Variants in TMC1 observed in about 807,000 individuals in gnomAD.
TMC1 encodes the protein transmembrane channel like 1, also known as transmembrane channel-like protein 1.
TMC1 carries 84 observed loss-of-function variants against 105.8 expected under a neutral mutation model. The ratio of observed to expected loss-of-function variants is 0.79; its 90% CI spans 0.67 to 0.95. The LOEUF (loss-of-function observed/expected upper bound fraction) is 0.95. TMC1 is among the 40% of genes least tolerant of loss of function. TMC1 has a pLI of 0.00. For missense variants in TMC1, 817 were observed against 914.1 expected (o/e 0.89, Z 1.37); for synonymous variants, 315 against 311.5 (o/e 1.01, Z -0.12).
At position 72,686,781 on chromosome 9, in the gene TMC1, T is replaced by A. The variant is rs142966913; in HGVS notation, c.17-1928T>A. 1.5e-3 allele frequency among the ~76,000 whole-genome samples: 233 copies of A among 152,280 alleles called. 1 individual carries two copies. Among genetic ancestry groups the A allele is most frequent in the African/African-American group, 5.5e-3 (227 of 41,560 alleles). ...CCAGAATCACTATTGGAAAACCAAC[T>A]CAAGAGGAGGGACTGGGTCATTTCT... On this transcript the variant is annotated intron_variant, in intron 5 of 23. Coordinates refer to ENST00000297784, the MANE Select transcript of TMC1 (RefSeq NM_138691.3).
At chr9:72,571,442 C>CTTTTTTTTTTTTTTTTTTTTT in intron 1 of TMC1, among the ~76,000 whole-genome samples, 1 of 139,092 alleles carries the variant, frequency 7.2e-6, no homozygotes. Context: ...CAACCTCACG[C>CTTTTTTTTTTTTTTTTTTTTT]TTTTTTTTTT....
chr9:72,525,121 A>G (rs918479849), intron 1 of TMC1, among the ~76,000 whole-genome samples: 1 of 152,246 alleles, frequency 6.6e-6, no homozygotes, highest in Non-Finnish European at 1.5e-5. Context: ...GTACTTAACA[A>G]TAGTATCCAG....
At chr9:72,725,943 G>C (rs1027787733) in intron 8 of TMC1, among the ~76,000 whole-genome samples, 9 of 152,136 alleles carry the variant, frequency 5.9e-5, no homozygotes, top group Non-Finnish European at 1.2e-4. Flanking sequence ...ACCCGCCTCA[G>C]CCTCCCAAAG....
intron 10 of TMC1, among the ~76,000 whole-genome samples, chr9:72,746,658 A>G (rs1003082270): frequency 9.2e-5 from 14 of 152,224 alleles, no homozygotes; most frequent in African/African-American, 3.4e-4. Context: ...CAAGAGCGGG[A>G]CCCAAATTAG....
At chr9:72,771,860 A>G (rs536359723) in intron 12 of TMC1, among the ~76,000 whole-genome samples, 28 of 152,206 alleles carry the variant, frequency 1.8e-4, no homozygotes, top group Non-Finnish European at 3.5e-4. Context: ...TGCTTGTTAT[A>G]TGGGAATGCT....
In TMC1 at chr9:72,796,882, G is replaced by A. The variant is rs529839537; in HGVS notation, c.1566+4530G>A. Among the ~76,000 whole-genome samples, 437 of 152,226 alleles carry A rather than the reference G, an allele frequency of 2.9e-3. 2 individuals carry two copies. The highest frequency in any genetic ancestry group is 0.01 in the African/African-American group (417 of 41,540). ...TTGAAGTTCTGGCCAGGGCAATCAG[G>A]CAAGAGAAAGAAATGAAGGGTATCA... On this transcript the variant is annotated intron_variant, in intron 17 of 23. Coordinates refer to ENST00000297784, the MANE Select transcript of TMC1 (RefSeq NM_138691.3).
chr9:72,665,546 A>C lies in TMC1; in HGVS notation c.16+16882A>C, dbSNP rs1826030178. ...TAGAATATCAAATCCAGGGTGCTTT[A>C]GCACTGCATTCCAATGGCCTGGGAT... On this transcript the variant is annotated intron_variant, in intron 5 of 23. Transcript: ENST00000297784. Among the ~76,000 whole-genome samples the C allele has an allele frequency of 3.9e-5, 6 of 152,360 alleles. No individual in the cohort carries two copies. The South Asian group carries it at 1.2e-3, about 32-fold the overall frequency.
Position 72,805,459 on chromosome 9 carries a change from T to G in TMC1, c.1644T>G (p.Cys548Trp). ...TILIGDFLRACFVRFCNYCWC... is the reference protein window; with the variant it reads ...TILIGDFLRAWFVRFCNYCWC... ...TCATTGGGGACTTTCTAAGGGCATG[T>G]TTTGTGAGGTTTTGCAATTATTGCT... The change falls in exon 18 of 24, where the codon TGT becomes TGG. Residue 548 changes from cysteine (C) to tryptophan (W), a missense_variant. Transcript: ENST00000297784. 1 of 1,613,978 alleles carries G rather than the reference T, an allele frequency of 6.2e-7. No individual in the cohort carries two copies. The highest frequency in any genetic ancestry group is 8.5e-7 in the Non-Finnish European group (1 of 1,179,952).
chr9:72,586,943 G>A (rs894177863), intron 2 of TMC1, among the ~76,000 whole-genome samples: 42 of 152,200 alleles, frequency 2.8e-4, no homozygotes, highest in African/African-American at 9.9e-4. Context: ...TGCATCAATT[G>A]GTGTAGTCTA....
intron 8 of TMC1, among the ~76,000 whole-genome samples, chr9:72,705,135 C>T (rs551786058): frequency 9.4e-4 from 143 of 152,212 alleles, no homozygotes; most frequent in African/African-American, 3.3e-3. Flanking sequence ...TATAAGAGGT[C>T]GCAGCACTTA....
rs556278913 is a variant in TMC1 at position 72,613,222 on chromosome 9, C to G, written c.-305-3146C>G. ...TCTTGGCTCACTGCAACCTCCGCCT[C>G]CCGGGTTCAAGCGATTCTCCTGCCT... On this transcript the variant is annotated intron_variant, in intron 2 of 23. Transcript: ENST00000297784. Among the ~76,000 whole-genome samples, 3 of 151,636 alleles carry G rather than the reference C, an allele frequency of 2.0e-5. No individual in the cohort carries two copies. The South Asian group carries it at 6.3e-4, about 32-fold the overall frequency.
At chr9:72,539,856 G>T (rs1347562659) in intron 1 of TMC1, among the ~76,000 whole-genome samples, 1 of 152,164 alleles carries the variant, frequency 6.6e-6, no homozygotes, top group African/African-American at 2.4e-5. Flanking sequence ...CATTTACAAA[G>T]AAAGGGGTTT....
chr9:72,701,180 C>A (rs192203972), intron 8 of TMC1, among the ~76,000 whole-genome samples: 9 of 152,254 alleles, frequency 5.9e-5, no homozygotes, highest in Non-Finnish European at 8.8e-5. Flanking sequence ...TACATTAAAG[C>A]ACAGAGAAGA....
At chr9:72,732,565 CA>C (rs57237757) in intron 8 of TMC1, among the ~76,000 whole-genome samples, 2,172 of 88,004 alleles carry the variant, frequency 0.025, 27 homozygotes, top group Middle Eastern at 0.042. Context: ...GTCTCTGTCT[CA>C]AAAAAAAAAA....
intron 3 of TMC1, among the ~76,000 whole-genome samples, chr9:72,620,501 T>A (rs1825230495): frequency 1.3e-5 from 2 of 152,124 alleles, no homozygotes; most frequent in African/African-American, 4.8e-5. Flanking sequence ...TCCTCCTACC[T>A]CAGCCTCTCA....
chr9:72,823,074 T>C (rs1436007042), intron 20 of TMC1, among the ~76,000 whole-genome samples: 2 of 152,190 alleles, frequency 1.3e-5, no homozygotes, highest in Non-Finnish European at 2.9e-5. Flanking sequence ...GAACAAGTAG[T>C]GTTTGGTTAC....
intron 19 of TMC1, among the ~76,000 whole-genome samples, chr9:72,818,277 G>C (rs1230676449): frequency 6.6e-6 from 1 of 152,196 alleles, no homozygotes; most frequent in Non-Finnish European, 1.5e-5. Context: ...GAATCGCTGA[G>C]TAGTGGAGGT....
chr9:72,602,634 C>T (rs923016961), intron 2 of TMC1, among the ~76,000 whole-genome samples: 3 of 152,274 alleles, frequency 2.0e-5, no homozygotes, highest in Admixed American at 6.5e-5. Context: ...CTCGGCCTCC[C>T]AAAATGTTGG....
intron 23 of TMC1, among the ~76,000 whole-genome samples, chr9:72,835,486 A>G (rs1363306630): frequency 6.6e-6 from 1 of 152,242 alleles, no homozygotes; most frequent in African/African-American, 2.4e-5. Context: ...ATTCTGACTT[A>G]TAAGATCTAA....
Sources: allele counts gnomAD v4.1 joint callset (sites outside exome capture counted in the v4.1 genomes callset), GRCh38; gene constraint gnomAD v4.1.1; transcripts MANE v1.5; gene names NCBI Gene and HGNC (gene_info 2026-07-23, HGNC 2026-07-21).